The following GAPDH variants were observed in gnomAD, a reference collection of about 807,000 sequenced individuals.
The protein encoded by GAPDH is glyceraldehyde-3-phosphate dehydrogenase.
GAPDH carries 13 observed loss-of-function variants against 31.2 expected under a neutral mutation model. That is an observed-to-expected ratio of 0.42 (90% CI 0.27 to 0.66). GAPDH has a LOEUF of 0.66. Among genes scored for constraint, GAPDH ranks in the 30% least tolerant of loss-of-function variants. The pLI, the probability that GAPDH is intolerant of heterozygous loss-of-function variation, is 0.26. For synonymous variants in GAPDH, 211 were observed against 166.9 expected, an observed-to-expected ratio of 1.26 and a Z score of -2.04; for missense variants, 300 against 443.7, an observed-to-expected ratio of 0.68 and a Z score of 2.91.
intron 2 of GAPDH, chr12:6,535,180 G>A: frequency 6.4e-6 from 7 of 1,092,334 alleles, no homozygotes; most frequent in Non-Finnish European, 6.9e-6. Flanking sequence ...CGCTCTGCGG[G>A]GTCACGTGTC....
intron 1 of GAPDH, 99 bp from the exon 2 acceptor site, chr12:6,534,711 C>G: frequency 9.5e-7 from 1 of 1,048,580 alleles, no homozygotes; most frequent in Non-Finnish European, 1.4e-6. Flanking sequence ...GGACGTGATG[C>G]GGCGCGGGCT....
In GAPDH at chr12:6,537,082, G is replaced by C. The variant is rs1235459261; in HGVS notation, c.328-19G>C. 2 of 1,609,276 alleles carry C rather than the reference G, an allele frequency of 1.2e-6. No homozygotes were observed. Among genetic ancestry groups the C allele is most frequent in the Non-Finnish European group, 1.7e-6 (2 of 1,178,474 alleles). On this transcript the variant is annotated intron_variant, in intron 5 of 8. Transcript: ENST00000229239. This position sits in a 1 kb window ranked among gnomAD's most constrained non-coding sequence, Gnocchi z 4.9. ...AAAGGCAGGACCCGGGTTCATAACT[G>C]TCTGCTTCTCTGCTGTAGGCTCATT...
At chr12:6,535,524 G>A in intron 2 of GAPDH, 1 of 877,328 alleles carries the variant, frequency 1.1e-6, no homozygotes, top group Non-Finnish European at 1.4e-6. Context: ...CCCCGCAGAG[G>A]TGTGGTGGCT....
rs1229967980 is a variant in GAPDH at position 6,534,729 on chromosome 12, G to A, written c.-23-81G>A. 4.8e-6 allele frequency: 6 copies of A among 1,251,224 alleles called. No individual in the cohort carries two copies. In the African/African-American group the frequency reaches 7.4e-5, roughly 15 times the overall value. 77.5% of individuals were successfully genotyped at this position (1,251,224 alleles called of 1,614,324 possible). Reference sequence around the variant, plus strand: ...CGTGATGCGGCGCGGGCTGGGCATGGAGGCCTGGTGGGGGAGGGGAGGGGA... The same window carrying A: ...CGTGATGCGGCGCGGGCTGGGCATGAAGGCCTGGTGGGGGAGGGGAGGGGA... On this transcript the variant is annotated intron_variant, in intron 1 of 8. Coordinates refer to ENST00000229239, the MANE Select transcript of GAPDH (RefSeq NM_002046.7).
intron 2 of GAPDH, chr12:6,535,186 G>A (rs1187577987): frequency 1.8e-6 from 2 of 1,095,826 alleles, no homozygotes; most frequent in Middle Eastern, 3.6e-4. Context: ...GCGGGGTCAC[G>A]TGTCGCAGAG....
chr12:6,534,911 C>T (rs780493688), intron 2 of GAPDH, 50 bp downstream of exon 2: 2 of 1,598,220 alleles, frequency 1.3e-6, no homozygotes, highest in East Asian at 4.5e-5. Flanking sequence ...GCCCCCGAAC[C>T]GCGTCTACGA....
chr12:6,536,377 C>T, intron 2 of GAPDH, 117 bp from the exon 3 acceptor site: 2 of 759,506 alleles, frequency 2.6e-6, no homozygotes, highest in Non-Finnish European at 4.6e-6. Context: ...CCTCTTGGGC[C>T]CTCCTGGGGG....
At chr12:6,535,173 T>G in intron 2 of GAPDH, 3 of 1,070,860 alleles carry the variant, frequency 2.8e-6, no homozygotes, top group Non-Finnish European at 3.5e-6. Context: ...CCTTTCGCGC[T>G]CTGCGGGGTC....
At chr12:6,536,882 A>G (rs1469684169) in intron 4 of GAPDH, 38 bp from the exon 5 acceptor site, 18 of 1,592,864 alleles carry the variant, frequency 1.1e-5, no homozygotes, top group Non-Finnish European at 1.6e-5. Context: ...TGTGTCCCTC[A>G]ATATGGTCCT....
At position 6,536,831 on chromosome 12, in the gene GAPDH, G is replaced by A. The variant is rs765097888; in HGVS notation, c.236+41G>A. On this transcript the variant is annotated intron_variant, in intron 4 of 8. Coordinates refer to ENST00000229239, the MANE Select transcript of GAPDH (RefSeq NM_002046.7). ...AATGGAAGAAATGTGCTTTGGGGAGGCAACTAGGATGGTGTGGCTCCCTTG... is the reference window on the plus strand; with the variant it reads ...AATGGAAGAAATGTGCTTTGGGGAGACAACTAGGATGGTGTGGCTCCCTTG... The A allele has an allele frequency of 1.3e-5, 20 of 1,585,938 alleles. No individual in the cohort carries two copies. The Admixed American group carries it at 3.2e-4, about 25-fold the overall frequency.
chr12:6,536,867 A>G (rs1445286257), intron 4 of GAPDH, 53 bp from the exon 5 acceptor site: 2 of 1,585,712 alleles, frequency 1.3e-6, no homozygotes, highest in Non-Finnish European at 1.7e-6. Flanking sequence ...GGTATATGGT[A>G]ACCTTGTGTC....
Position 6,536,901 on chromosome 12 carries a change from C to G in GAPDH, c.237-19C>G. On this transcript the variant is annotated intron_variant, in intron 4 of 8. Transcript: ENST00000229239. Reference sequence around the variant, plus strand: ...TCCCTCAATATGGTCCTGTCCCCATCTCCCCCCCACCCCCATAGGCGAGAT... The same window carrying G: ...TCCCTCAATATGGTCCTGTCCCCATGTCCCCCCCACCCCCATAGGCGAGAT... 1 of 1,583,254 alleles carries G rather than the reference C, an allele frequency of 6.3e-7. No homozygotes were observed. The highest frequency in any genetic ancestry group is 8.7e-7 in the Non-Finnish European group (1 of 1,152,236).
At chr12:6,534,988 C>G (rs1946429418) in intron 2 of GAPDH, 127 bp downstream of exon 2, 2 of 1,124,704 alleles carry the variant, frequency 1.8e-6, no homozygotes, top group Non-Finnish European at 2.6e-6. Flanking sequence ...AAGGAGAGCT[C>G]AAGGTCAGCG....
At position 6,537,559 on chromosome 12, in the gene GAPDH, C is replaced by A; in HGVS notation, c.526-25C>A. 6.2e-7 allele frequency: 1 copy of A among 1,603,874 alleles called. No homozygotes were observed. Among genetic ancestry groups the A allele is most frequent in the Non-Finnish European group, 8.5e-7 (1 of 1,175,000 alleles). On this transcript the variant is annotated intron_variant, in intron 7 of 8. Coordinates refer to ENST00000229239, the MANE Select transcript of GAPDH (RefSeq NM_002046.7). The surrounding 1 kb of genome is among the most constrained non-coding windows in gnomAD (Gnocchi z 4.9). ...GTAGAGGGGTGATGTGGGGAGTACGCTGCAGGGCCTCACTCCTTTTGCAGA... is the reference window on the plus strand; with the variant it reads ...GTAGAGGGGTGATGTGGGGAGTACGATGCAGGGCCTCACTCCTTTTGCAGA...
chr12:6,535,208 C>T, intron 2 of GAPDH: 1 of 1,102,888 alleles, frequency 9.1e-7, no homozygotes, highest in Non-Finnish European at 1.1e-6. Context: ...AGCCCCTCCC[C>T]CACGGCCTCC....
intron 2 of GAPDH, among the ~76,000 whole-genome samples, chr12:6,535,996 T>C (rs1946455595): frequency 6.6e-6 from 1 of 152,134 alleles, no homozygotes; most frequent in African/African-American, 2.4e-5. Flanking sequence ...CTTCCCCTCT[T>C]CCCACCCGCC....
Position 6,534,578 on chromosome 12 carries a change from G to T in GAPDH, c.-24+9G>T. The T allele has an allele frequency of 1.8e-6, 1 of 545,790 alleles. No homozygotes were observed. The highest frequency in any genetic ancestry group is 4.9e-4 in the Middle Eastern group (1 of 2,046). The allele number at this position is 545,790 out of a possible 1,614,324, so 33.8% of individuals were successfully genotyped here. ...TTCTTTTGCGTCGCCAGGTGAAGAC[G>T]GGCGGAGAGAAACCCGGGAGGCTAG... On this transcript the variant is annotated intron_variant, in intron 1 of 8. Transcript: ENST00000229239.
intron 1 of GAPDH, 64 bp downstream of exon 1, chr12:6,534,633 C>G: frequency 3.2e-6 from 2 of 618,332 alleles, no homozygotes; most frequent in South Asian, 1.9e-5. Flanking sequence ...GGGGCGGGCG[C>G]AGGCCGGATG....
Position 6,537,282 on chromosome 12 carries a change from T to C in GAPDH, c.444-27T>C. ...ACCCTATGGACACGCTCCCCTGACT[T>C]GCGCCCCGCTCCCTCTTTCTTTGCA... On this transcript the variant is annotated intron_variant, in intron 6 of 8. Transcript: ENST00000229239. This position sits in a 1 kb window ranked among gnomAD's most constrained non-coding sequence, Gnocchi z 4.9. The C allele has an allele frequency of 6.2e-7, 1 of 1,600,564 alleles. No individual in the cohort carries two copies. Among genetic ancestry groups the C allele is most frequent in the East Asian group, 2.3e-5 (1 of 43,700 alleles).
Sources: gnomAD v4.1 joint callset for allele counts (sites outside exome capture counted in the v4.1 genomes callset) on GRCh38, gnomAD v4.1.1 for gene constraint, Gnocchi (gnomAD v3.1) non-coding constraint, MANE v1.5 for transcripts, NCBI Gene and HGNC (gene_info 2026-07-23, HGNC 2026-07-21) for gene names.